The following MPRIP variants were observed in gnomAD, a reference collection of about 807,000 sequenced individuals.
MPRIP encodes myosin phosphatase Rho-interacting protein.
In MPRIP, 59 loss-of-function variants were observed where a neutral mutation model predicts 234.9. That is an observed-to-expected ratio of 0.25 (90% CI 0.20 to 0.31). The LOEUF is 0.31. MPRIP is among the 10% of genes least tolerant of loss of function. The probability of loss-of-function intolerance (pLI) is 1.00; values close to 1 mark genes in which losing one functional copy is unlikely to be tolerated. For synonymous variants in MPRIP, 1,144 were observed against 1,263.9 expected, an observed-to-expected ratio of 0.91 and a Z score of 2.01; for missense variants, 2,436 against 3,071.0, an observed-to-expected ratio of 0.79 and a Z score of 4.89.
At chr17:17,058,401 C>T (rs557820786) in intron 1 of MPRIP, among the ~76,000 whole-genome samples, 33 of 145,440 alleles carry the variant, frequency 2.3e-4, no homozygotes, top group African/African-American at 8.0e-4. Context: ...GCTCCAGGGC[C>T]GTGGGGAATG....
intron 1 of MPRIP, among the ~76,000 whole-genome samples, chr17:17,043,415 C>T (rs2088243776): frequency 6.6e-6 from 1 of 152,124 alleles, no homozygotes; most frequent in Admixed American, 6.5e-5. Context: ...GAATCATCGT[C>T]ACTGTCAAGC....
chr17:17,142,303 T>G (rs1362425394), intron 7 of MPRIP: 2 of 256,048 alleles, frequency 7.8e-6, no homozygotes, highest in Non-Finnish European at 1.5e-5. Context: ...GTGGTGGTGG[T>G]TGCCTTTTGA....
chr17:17,056,416 A>ACTTTCCCC (rs2088698497), intron 1 of MPRIP, among the ~76,000 whole-genome samples: 1 of 152,040 alleles, frequency 6.6e-6, no homozygotes, highest in Non-Finnish European at 1.5e-5. Flanking sequence ...TTAAAATGTC[A>ACTTTCCCC]CTTTCCCCCT....
At chr17:17,161,499 A>G (rs1403672856) in intron 15 of MPRIP, 143 bp downstream of exon 15, 4 of 489,734 alleles carry the variant, frequency 8.2e-6, no homozygotes, top group African/African-American at 2.0e-5. Flanking sequence ...CTTTTCTGCC[A>G]CAGGACTGGA....
At chr17:17,101,417 A>AT (rs2089957806) in intron 3 of MPRIP, among the ~76,000 whole-genome samples, 1 of 152,090 alleles carries the variant, frequency 6.6e-6, no homozygotes, top group South Asian at 2.1e-4. Flanking sequence ...AAATACAAAA[A>AT]TTAGCCAGAC....
intron 14 of MPRIP, among the ~76,000 whole-genome samples, chr17:17,160,704 G>A (rs2045843736): frequency 6.6e-6 from 1 of 152,236 alleles, no homozygotes; most frequent in Non-Finnish European, 1.5e-5. Context: ...TGGTCAAATG[G>A]AGTGGTTTCA....
intron 22 of MPRIP, chr17:17,179,623 A>G (rs948024610): frequency 1.1e-5 from 2 of 178,582 alleles, no homozygotes; most frequent in African/African-American, 4.8e-5. Context: ...CTTGCTTTAG[A>G]CAGCCCTGTG....
intron 12 of MPRIP, 61 bp from the exon 13 acceptor site, chr17:17,154,245 A>G: frequency 6.9e-7 from 1 of 1,448,486 alleles, no homozygotes; most frequent in South Asian, 1.1e-5. Flanking sequence ...TTCTTTGGAG[A>G]TGGAGGGCAG....
intron 13 of MPRIP, among the ~76,000 whole-genome samples, chr17:17,154,866 G>T (rs2045692777): frequency 6.6e-6 from 1 of 152,188 alleles, no homozygotes; most frequent in African/African-American, 2.4e-5. Flanking sequence ...TTTCTGTGCA[G>T]CCAATTTGAA....
chr17:17,070,988 G>C (rs1008671922), intron 1 of MPRIP, among the ~76,000 whole-genome samples: 1 of 152,168 alleles, frequency 6.6e-6, no homozygotes, highest in African/African-American at 2.4e-5. Flanking sequence ...GCCTGAACTG[G>C]GAGGCTCCTC....
At chr17:17,107,084 A>G (rs2090077253) in intron 3 of MPRIP, among the ~76,000 whole-genome samples, 1 of 152,196 alleles carries the variant, frequency 6.6e-6, no homozygotes, top group Non-Finnish European at 1.5e-5. Context: ...TCTACAACAC[A>G]TTTGGTCTAT....
chr17:17,093,272 C>G (rs2144158100), intron 3 of MPRIP, among the ~76,000 whole-genome samples: 1 of 152,346 alleles, frequency 6.6e-6, no homozygotes, highest in East Asian at 1.9e-4. Flanking sequence ...TGCATGAACT[C>G]TCCTGCATTG....
chr17:17,100,546 G>A (rs1431756278), intron 3 of MPRIP, among the ~76,000 whole-genome samples: 1 of 152,116 alleles, frequency 6.6e-6, no homozygotes, highest in African/African-American at 2.4e-5. Flanking sequence ...TGAGTGGCAG[G>A]CGAGCTAGCA....
chr17:17,064,100 A>AG (rs2088947313), intron 1 of MPRIP, among the ~76,000 whole-genome samples: 1 of 152,170 alleles, frequency 6.6e-6, no homozygotes, highest in Non-Finnish European at 1.5e-5. Context: ...GGGCCATGGC[A>AG]GGCAGGCGTC....
chr17:17,108,326 T>G (rs2090103201), intron 3 of MPRIP, among the ~76,000 whole-genome samples: 1 of 152,230 alleles, frequency 6.6e-6, no homozygotes, highest in Non-Finnish European at 1.5e-5. Flanking sequence ...AGTGACTTAA[T>G]ACAGCTGGGT....
At chr17:17,054,951 T>C (rs1294039981) in intron 1 of MPRIP, among the ~76,000 whole-genome samples, 1 of 151,470 alleles carries the variant, frequency 6.6e-6, no homozygotes, top group African/African-American at 2.4e-5. Flanking sequence ...CTTGGGAGGC[T>C]GAGGTAGAAG....
At chr17:17,086,760 C>A (rs1332655360) in intron 3 of MPRIP, among the ~76,000 whole-genome samples, 1 of 152,118 alleles carries the variant, frequency 6.6e-6, no homozygotes, top group African/African-American at 2.4e-5. Context: ...CACTTTTTTT[C>A]CCTGAAGTGT....
At chr17:17,048,927 C>A (rs1358586120) in intron 1 of MPRIP, among the ~76,000 whole-genome samples, 1 of 152,244 alleles carries the variant, frequency 6.6e-6, no homozygotes, top group South Asian at 2.1e-4. Context: ...ACGGCAGCAA[C>A]AATCCAAGTG....
chr17:17,160,400 T>C (rs2045837409), intron 14 of MPRIP, among the ~76,000 whole-genome samples: 1 of 152,170 alleles, frequency 6.6e-6, no homozygotes, highest in Non-Finnish European at 1.5e-5. Context: ...TCTCCCCGCC[T>C]CTCACAGCAC....
Sources: gnomAD v4.1 joint callset for allele counts (sites outside exome capture counted in the v4.1 genomes callset) on GRCh38, gnomAD v4.1.1 for gene constraint, MANE v1.5 for transcripts, NCBI Gene and HGNC (gene_info 2026-07-23, HGNC 2026-07-21) for gene names.